Variants in RYR3 observed in about 807,000 individuals in gnomAD.
The protein encoded by RYR3 is ryanodine receptor 3.
A neutral mutation model predicts 584.3 loss-of-function variants in RYR3; 207 were observed. The ratio of observed to expected loss-of-function variants is 0.35; its 90% CI spans 0.32 to 0.40. The LOEUF is 0.40. Among genes scored for constraint, RYR3 ranks in the 10% least tolerant of loss-of-function variants. The pLI, the probability that RYR3 is intolerant of heterozygous loss-of-function variation, is 1.00. For synonymous variants in RYR3, 2,416 were observed against 2,248.5 expected, an observed-to-expected ratio of 1.07 and a Z score of -2.11; for missense variants, 5,616 against 6,089.2, an observed-to-expected ratio of 0.92 and a Z score of 2.59.
chr15:33,688,226 C>T (rs987563702), intron 38 of RYR3, among the ~76,000 whole-genome samples: 3 of 148,334 alleles, frequency 2.0e-5, no homozygotes, highest in South Asian at 2.2e-4. Context: ...AGAAAAAAAA[C>T]AACCCCATCA....
intron 1 of RYR3, among the ~76,000 whole-genome samples, chr15:33,322,777 G>A (rs1969143894): frequency 6.6e-6 from 1 of 151,778 alleles, no homozygotes; most frequent in Non-Finnish European, 1.5e-5. Flanking sequence ...TAAAGTCGAT[G>A]GTTTCTCTGG....
intron 1 of RYR3, among the ~76,000 whole-genome samples, chr15:33,452,415 C>A (rs951538271): frequency 6.6e-6 from 1 of 152,092 alleles, no homozygotes. Flanking sequence ...AAAATCAGTC[C>A]CATTTCTTCT....
At chr15:33,703,948 A>G (rs987250165) in intron 42 of RYR3, among the ~76,000 whole-genome samples, 4 of 152,200 alleles carry the variant, frequency 2.6e-5, no homozygotes, top group African/African-American at 9.7e-5. Flanking sequence ...TAATAATACC[A>G]TAATAGAAGA....
chr15:33,454,447 T>C (rs2047379206), intron 1 of RYR3, among the ~76,000 whole-genome samples: 1 of 152,162 alleles, frequency 6.6e-6, no homozygotes, highest in Non-Finnish European at 1.5e-5. Flanking sequence ...CTTAAGACCC[T>C]GGCCAAGCGA....
chr15:33,761,002 G>A (rs2072378522), intron 60 of RYR3, among the ~76,000 whole-genome samples: 1 of 152,092 alleles, frequency 6.6e-6, no homozygotes, highest in Admixed American at 6.5e-5. Flanking sequence ...AATGACTACT[G>A]GGTAAATAAT....
At chr15:33,671,805 C>CTTT (rs56206846) in intron 38 of RYR3, among the ~76,000 whole-genome samples, 7,562 of 79,888 alleles carry the variant, frequency 0.095, 501 homozygotes, top group East Asian at 0.17. Flanking sequence ...CCTTCTTTTT[C>CTTT]TTTTTTTTTT....
intron 10 of RYR3, among the ~76,000 whole-genome samples, chr15:33,552,267 G>A (rs1408711836): frequency 6.6e-6 from 1 of 152,206 alleles, no homozygotes; most frequent in Non-Finnish European, 1.5e-5. Context: ...TCTGGGGGAA[G>A]CAAGGAAAGC....
chr15:33,827,271 A>G lies in RYR3; in HGVS notation c.11318A>G (p.Tyr3773Cys). 1.3e-6 allele frequency: 2 copies of G among 1,553,126 alleles called. No individual in the cohort carries two copies. Among genetic ancestry groups the G allele is most frequent in the South Asian group, 1.2e-5 (1 of 84,084 alleles). Reference sequence around the variant, plus strand: ...AATGTCATCATCAGCACTGTGGACTACCTTCTGCGTCTGCAGGTGAGTGGG... The same window carrying G: ...AATGTCATCATCAGCACTGTGGACTGCCTTCTGCGTCTGCAGGTGAGTGGG... ...TVNVIISTVD[Y>C]LLRLQESISD... is the part of the protein sequence containing the mutation. Residue 3773 changes from tyrosine (Y) to cysteine (C), a missense_variant, in exon 85 of 104, where the codon TAC becomes TGC. Physicochemically the swap from Tyr to Cys is radical, Grantham distance 194. Around this residue, in one of 9 missense-constraint regions of RYR3, gnomAD observed 954 missense variants for 1,132.2 expected, o/e 0.84. Coordinates refer to ENST00000634891, the MANE Select transcript of RYR3 (RefSeq NM_001036.6).
chr15:33,652,999 T>A, intron 32 of RYR3, 116 bp downstream of exon 32: 1 of 1,059,418 alleles, frequency 9.4e-7, no homozygotes, highest in South Asian at 1.9e-5. Flanking sequence ...GATGAGCCCA[T>A]GTGGGCCATG....
chr15:33,766,118 T>TAA (rs201118656), intron 60 of RYR3, among the ~76,000 whole-genome samples: 35 of 151,352 alleles, frequency 2.3e-4, no homozygotes, highest in African/African-American at 8.0e-4. Flanking sequence ...CTGTCTCTAC[T>TAA]AAAAAAACAA....
At chr15:33,665,874 C>CAATCATTTCAG (rs1316793641) in intron 36 of RYR3, among the ~76,000 whole-genome samples, 2 of 152,190 alleles carry the variant, frequency 1.3e-5, no homozygotes, top group African/African-American at 4.8e-5. Context: ...ATCCTCTGAT[C>CAATCATTTCAG]AATCATTTCA....
At chr15:33,509,060 G>A (rs777088235) in intron 3 of RYR3, among the ~76,000 whole-genome samples, 1 of 152,174 alleles carries the variant, frequency 6.6e-6, no homozygotes, top group Admixed American at 6.5e-5. Context: ...TTACCTTGCA[G>A]CCAGGTTCAG....
At chr15:33,530,019 T>C (rs376498167) in intron 3 of RYR3, among the ~76,000 whole-genome samples, 1 of 152,126 alleles carries the variant, frequency 6.6e-6, no homozygotes, top group African/African-American at 2.4e-5. Context: ...AGATGGTCTC[T>C]CAACTGAAGG....
intron 12 of RYR3, among the ~76,000 whole-genome samples, chr15:33,576,974 C>T (rs569629511): frequency 4.0e-4 from 61 of 152,164 alleles, no homozygotes; most frequent in African/African-American, 1.3e-3. Context: ...ACACCAACAG[C>T]GAACAAGTGG....
At chr15:33,695,306 T>G (rs1356839581) in intron 38 of RYR3, among the ~76,000 whole-genome samples, 3 of 152,208 alleles carry the variant, frequency 2.0e-5, no homozygotes, top group Admixed American at 6.5e-5. Flanking sequence ...CCCTTCCTCC[T>G]TTACCTCCTA....
intron 102 of RYR3, among the ~76,000 whole-genome samples, chr15:33,862,478 A>G (rs1406449711): frequency 3.3e-5 from 5 of 152,124 alleles, no homozygotes; most frequent in Non-Finnish European, 5.9e-5. Flanking sequence ...GAGTGCTGGG[A>G]TTACGGGTGT....
chr15:33,768,021 G>C (rs1483595071), intron 60 of RYR3, among the ~76,000 whole-genome samples: 1 of 152,214 alleles, frequency 6.6e-6, no homozygotes, highest in African/African-American at 2.4e-5. Flanking sequence ...ATAAAGGAGA[G>C]TCAAAAAACA....
chr15:33,364,129 A>C (rs975828660), intron 1 of RYR3, among the ~76,000 whole-genome samples: 1 of 152,216 alleles, frequency 6.6e-6, no homozygotes, highest in Admixed American at 6.5e-5. Flanking sequence ...AATGACAAAT[A>C]TCTTGGATAT....
chr15:33,687,659 A>G (rs899103224), intron 38 of RYR3, among the ~76,000 whole-genome samples: 9 of 152,242 alleles, frequency 5.9e-5, no homozygotes, highest in South Asian at 2.1e-4. Flanking sequence ...CTGATTTCAA[A>G]CTATACTACA....
Sources: allele counts gnomAD v4.1 joint callset (sites outside exome capture counted in the v4.1 genomes callset), GRCh38; gene constraint gnomAD v4.1.1; regional missense constraint gnomAD v4.1.1; transcripts MANE v1.5; gene names NCBI Gene and HGNC (gene_info 2026-07-23, HGNC 2026-07-21).